The following LRBA variants were observed in gnomAD, a reference collection of about 807,000 sequenced individuals.
The protein encoded by LRBA is lipopolysaccharide-responsive and beige-like anchor protein.
LRBA carries 176 observed loss-of-function variants against 330.0 expected under a neutral mutation model. The ratio of observed to expected loss-of-function variants is 0.53; its 90% CI spans 0.47 to 0.60. The LOEUF (loss-of-function observed/expected upper bound fraction) is 0.60, where lower values mean the gene tolerates loss of function less well. Among genes scored for constraint, LRBA ranks in the 20% least tolerant of loss-of-function variants. The pLI, the probability that LRBA is intolerant of heterozygous loss-of-function variation, is 0.00. For synonymous variants in LRBA, 1,230 were observed against 1,193.0 expected (o/e 1.03, Z -0.64); for missense variants, 3,259 against 3,444.8 (o/e 0.95, Z 1.35).
At chr4:150,534,338 A>G (rs2152208401) in intron 40 of LRBA, among the ~76,000 whole-genome samples, 1 of 79,508 alleles carries the variant, frequency 1.3e-5, no homozygotes, top group African/African-American at 3.8e-5. Flanking sequence ...TAAAACTTGA[A>G]GTATAATAAT....
chr4:150,313,699 T>A (rs74940718), intron 51 of LRBA, among the ~76,000 whole-genome samples: 5,483 of 152,026 alleles, frequency 0.036, 236 homozygotes, highest in African/African-American at 0.097. Flanking sequence ...TTCCCTTATC[T>A]GAAACACTTG....
chr4:150,588,540 T>G (rs1369873123), intron 39 of LRBA, among the ~76,000 whole-genome samples: 1 of 152,110 alleles, frequency 6.6e-6, no homozygotes, highest in Non-Finnish European at 1.5e-5. Flanking sequence ...TCTAACAACA[T>G]GAACAACAAC....
chr4:150,920,270 C>T (rs963720031), intron 5 of LRBA, among the ~76,000 whole-genome samples: 1 of 152,092 alleles, frequency 6.6e-6, no homozygotes, highest in Non-Finnish European at 1.5e-5. Context: ...TGTCTTGGGC[C>T]GGGCGTGGTG....
chr4:150,271,297 T>C (rs1746054851), intron 56 of LRBA, among the ~76,000 whole-genome samples: 1 of 150,358 alleles, frequency 6.7e-6, no homozygotes, highest in South Asian at 2.1e-4. Context: ...GGGTAGACAC[T>C]GAGCTAGCTG....
At chr4:150,933,261 G>T (rs1336931343) in intron 2 of LRBA, among the ~76,000 whole-genome samples, 1 of 151,374 alleles carries the variant, frequency 6.6e-6, no homozygotes, top group African/African-American at 2.4e-5. Flanking sequence ...GGTGACACGT[G>T]CCTGTAATCC....
intron 40 of LRBA, among the ~76,000 whole-genome samples, chr4:150,575,603 T>C (rs1207888627): frequency 1.3e-5 from 2 of 151,970 alleles, no homozygotes; most frequent in Non-Finnish European, 1.5e-5. Flanking sequence ...ATGTCTCATA[T>C]GACCTGAAAG....
chr4:150,365,417 A>G (rs913843746), intron 47 of LRBA, among the ~76,000 whole-genome samples: 7 of 152,218 alleles, frequency 4.6e-5, no homozygotes, highest in African/African-American at 1.7e-4. Context: ...CCATTAAACA[A>G]AAAAACTATT....
At chr4:150,796,330 A>T (rs1740784374) in intron 34 of LRBA, among the ~76,000 whole-genome samples, 2 of 151,954 alleles carry the variant, frequency 1.3e-5, no homozygotes, top group Admixed American at 1.3e-4. Flanking sequence ...GAAAAATGTA[A>T]TTATCACCCC....
chr4:150,835,620 A>C (rs921174738), intron 28 of LRBA, among the ~76,000 whole-genome samples: 11 of 152,156 alleles, frequency 7.2e-5, no homozygotes, highest in African/African-American at 2.7e-4. Flanking sequence ...ATTGGTGTAT[A>C]GGAATGTTTG....
At position 150,701,541 on chromosome 4, in the gene LRBA, C is replaced by G. The variant is rs1184897102; in HGVS notation, c.5755-17824G>C. On this transcript the variant is annotated intron_variant, in intron 36 of 56. Transcript: ENST00000651943. ...TCAGTAGGCAACAGGAGTTTTTCAG[C>G]TCCATTAAAATCTCATAGGACCACC... Among the ~76,000 whole-genome samples, 3 of 152,246 alleles carry G rather than the reference C, an allele frequency of 2.0e-5. No homozygotes were observed. The East Asian group carries it at 5.8e-4, about 29-fold the overall frequency.
At chr4:150,617,310 T>C (rs910143068) in intron 37 of LRBA, among the ~76,000 whole-genome samples, 1 of 152,242 alleles carries the variant, frequency 6.6e-6, no homozygotes, top group Non-Finnish European at 1.5e-5. Flanking sequence ...TCTGGACATT[T>C]AATCTAGACA....
rs1251331803 is a variant in LRBA at position 150,828,459 on chromosome 4, C to A, written c.4892G>T (p.Ser1631Ile). 4 of 1,614,136 alleles carry A rather than the reference C, an allele frequency of 2.5e-6. No individual in the cohort carries two copies. In the South Asian group the frequency reaches 4.4e-5, roughly 18 times the overall value. Residue 1631 changes from serine to isoleucine, a missense_variant, in exon 30 of 57, where the codon AGT (serine) becomes ATT (isoleucine). By Grantham distance (142) the Ser-to-Ile change is moderately radical. Transcript: ENST00000651943. ...VTPHTAPPGV[S>I]AGPDAISEVL... ...CTCGCTGATTGCATCTGGGCCTGCA[C>A]TGACACCAGGAGGTGCTGTGTGAGG...
rs35115144 is a variant in LRBA at position 150,861,270 on chromosome 4, G to GGTGTGTGTGTGTGTGTGTGT, written c.2766+6381_2766+6400dup. Among the ~76,000 whole-genome samples the GGTGTGTGTGTGTGTGTGTGT allele has an allele frequency of 4.3e-3, 591 of 137,860 alleles. 5 individuals are homozygous for GGTGTGTGTGTGTGTGTGTGT. Among genetic ancestry groups the GGTGTGTGTGTGTGTGTGTGT allele is most frequent in the African/African-American group, 0.016 (565 of 36,434 alleles). 90.4% of individuals were successfully genotyped at this position (137,860 alleles called of 152,430 possible). Reference sequence around the variant, plus strand: ...GGTGCATGCCACCATCCCAGCTAATGGTGTGTGTGTGTGTGTGTGTGTGTG... The same window carrying GGTGTGTGTGTGTGTGTGTGT: ...GGTGCATGCCACCATCCCAGCTAATGGTGTGTGTGTGTGTGTGTGTGTGTGTGTGTGTGTGTGTGTGTGTG... On this transcript the variant is annotated intron_variant, in intron 22 of 56. Coordinates refer to ENST00000651943, the MANE Select transcript of LRBA (RefSeq NM_001364905.1).
chr4:150,935,545 AATTAATCT>A (rs539569562), intron 2 of LRBA, among the ~76,000 whole-genome samples: 336 of 152,236 alleles, frequency 2.2e-3, no homozygotes, highest in Non-Finnish European at 2.7e-3. Context: ...ACTTTTCACA[AATTAATCT>A]ATAAATTCAG....
intron 34 of LRBA, among the ~76,000 whole-genome samples, chr4:150,777,527 C>T (rs766481922): frequency 4.6e-5 from 7 of 152,172 alleles, no homozygotes; most frequent in Non-Finnish European, 7.4e-5. Context: ...CCTTGTAAAA[C>T]GAAGCGAATT....
At chr4:150,882,508 C>A (rs866935210) in intron 17 of LRBA, among the ~76,000 whole-genome samples, 3 of 151,960 alleles carry the variant, frequency 2.0e-5, no homozygotes, top group African/African-American at 7.2e-5. Context: ...AGGGAGATAA[C>A]AAAAATAACC....
At chr4:150,985,504 T>G (rs560159279) in intron 2 of LRBA, among the ~76,000 whole-genome samples, 1 of 151,366 alleles carries the variant, frequency 6.6e-6, no homozygotes, top group South Asian at 2.1e-4. Context: ...ATATAGTTTT[T>G]TTTTTTTTAA....
intron 33 of LRBA, among the ~76,000 whole-genome samples, chr4:150,799,435 G>A (rs1390682634): frequency 6.6e-6 from 1 of 152,144 alleles, no homozygotes; most frequent in African/African-American, 2.4e-5. Flanking sequence ...CTGCTGGTCT[G>A]AAACCTTGCC....
chr4:150,380,778 C>A (rs1407330712), intron 47 of LRBA, among the ~76,000 whole-genome samples: 2 of 150,962 alleles, frequency 1.3e-5, no homozygotes, highest in African/African-American at 4.9e-5. Flanking sequence ...GAGTTCAAGA[C>A]CAGCCTGACC....
Sources: allele counts gnomAD v4.1 joint callset (sites outside exome capture counted in the v4.1 genomes callset), GRCh38; gene constraint gnomAD v4.1.1; transcripts MANE v1.5; gene names NCBI Gene and HGNC (gene_info 2026-07-23, HGNC 2026-07-21).